Variants in C1orf167 observed in about 807,000 individuals in gnomAD.
The protein encoded by C1orf167 is uncharacterized protein C1orf167.
A neutral mutation model predicts 176.5 loss-of-function variants in C1orf167; 153 were observed. The ratio of observed to expected loss-of-function variants is 0.87; its 90% CI spans 0.76 to 0.99. The LOEUF (loss-of-function observed/expected upper bound fraction) is 0.99, where lower values mean the gene tolerates loss of function less well. Among genes scored for constraint, C1orf167 ranks in the 50% least tolerant of loss-of-function variants. C1orf167 has a pLI of 0.00. For synonymous variants in C1orf167, 594 were observed against 752.7 expected (o/e 0.79, Z 3.45); for missense variants, 1,490 against 1,817.7 (o/e 0.82, Z 3.28).
intron 14 of C1orf167, among the ~76,000 whole-genome samples, chr1:11,782,616 A>G (rs145205469): frequency 2.0e-5 from 3 of 152,228 alleles, no homozygotes; most frequent in East Asian, 1.9e-4. Flanking sequence ...GTTTTAGAGG[A>G]TATGATTAAG....
chr1:11,766,775 CT>C lies in C1orf167; in HGVS notation c.992del (p.Leu331TrpfsTer21), dbSNP rs1212739767. The C allele has an allele frequency of 7.8e-7, 1 of 1,289,698 alleles. No homozygotes were observed. Among genetic ancestry groups the C allele is most frequent in the Non-Finnish European group, 1.0e-6 (1 of 988,878 alleles). The allele number at this position is 1,289,698 out of a possible 1,614,324, so 79.9% of individuals were successfully genotyped here. ...AGCAAGCTAATGTCACCTGAGACCA[CT>C]TTGGGGACACGGACCAAGGATTCCC... ...AQSKLMSPETTLGTRTKDSLN... is the reference protein window; with the variant it reads ...AQSKLMSPETXLGTRTKDSLN... On this transcript the variant is annotated frameshift_variant, in exon 3 of 21. Coordinates refer to ENST00000688073, the MANE Select transcript of C1orf167 (RefSeq NM_001010881.2). LOFTEE classifies it high-confidence loss of function. This position sits in a 1 kb window ranked among gnomAD's most constrained non-coding sequence, Gnocchi z 4.5.
chr1:11,781,184 G>A (rs12044748), intron 13 of C1orf167, among the ~76,000 whole-genome samples: 1 of 151,922 alleles, frequency 6.6e-6, no homozygotes, highest in East Asian at 1.9e-4. Context: ...TTTTAGTGGA[G>A]ATGGGGTTTC....
At position 11,788,046 on chromosome 1, in the gene C1orf167, C is replaced by A. The variant is rs1383903827; in HGVS notation, c.3847C>A (p.Arg1283Ser). 7.7e-7 allele frequency: 1 copy of A among 1,293,776 alleles called. No individual in the cohort carries two copies. Among genetic ancestry groups the A allele is most frequent in the East Asian group, 5.6e-5 (1 of 17,858 alleles). The allele number at this position is 1,293,776 out of a possible 1,614,324, so 80.1% of individuals were successfully genotyped here. A position where few individuals can be genotyped will look rare whatever the true frequency, so the allele number is the denominator to read the frequency against. ...AQSKAHKRRL[R>S]ARSCRILEKQ... ...AAGCAAGGCCCATAAACGGAGGCTA[C>A]GGTAAGAGGAGCTGTGTGTGCAGTT... The change falls in exon 18 of 21, where the codon CGT becomes AGT. Residue 1283 changes from arginine to serine, a missense_variant and splice_region_variant. By Grantham distance (110) the Arg-to-Ser change is moderately radical. Transcript: ENST00000688073.
chr1:11,771,599 C>A lies in C1orf167; in HGVS notation c.1773C>A (p.His591Gln). 1 of 1,289,766 alleles carries A rather than the reference C, an allele frequency of 7.8e-7. No homozygotes were observed. Among genetic ancestry groups the A allele is most frequent in the Non-Finnish European group, 1.0e-6 (1 of 988,858 alleles). 79.9% of individuals were successfully genotyped at this position (1,289,766 alleles called of 1,614,324 possible). The change falls in exon 7 of 21, where the codon CAC becomes CAA. Residue 591 changes from histidine to glutamine, a missense_variant. Transcript: ENST00000688073. ...SHPRQRTDSR[H>Q]ERVQILQALQ... is the part of the protein sequence containing the mutation. ...CTAGGCAGAGAACAGACAGCAGACACGAGAGAGTCCAGATCCTGCAGGCCC... is the reference window on the plus strand; with the variant it reads ...CTAGGCAGAGAACAGACAGCAGACAAGAGAGAGTCCAGATCCTGCAGGCCC...
chr1:11,780,856 T>A (rs1455950422), intron 13 of C1orf167, among the ~76,000 whole-genome samples: 2 of 151,896 alleles, frequency 1.3e-5, no homozygotes, highest in Non-Finnish European at 2.9e-5. Context: ...AAGGACTGGA[T>A]TTGCAGAGGC....
intron 15 of C1orf167, 65 bp from the exon 16 acceptor site, chr1:11,785,083 G>T (rs1643786756): frequency 4.2e-6 from 5 of 1,199,118 alleles, no homozygotes; most frequent in Non-Finnish European, 5.4e-6. Context: ...AGGGCACTGG[G>T]GGGGCTCCCT....
intron 1 of C1orf167, among the ~76,000 whole-genome samples, chr1:11,762,998 T>G (rs748822458): frequency 6.6e-6 from 1 of 152,018 alleles, no homozygotes; most frequent in Non-Finnish European, 1.5e-5. Context: ...GAGGCAAGAC[T>G]TGAAGGCAGA....
Position 11,766,924 on chromosome 1 carries a change from A to G in C1orf167, c.1138A>G (p.Arg380Gly). ...DPSLPRGVGS[R>G]GTDPCSSAFS... ...CAGTCTCCCTCGAGGGGTGGGAAGC[A>G]GGGGGACCGACCCCTGTTCCTCAGC... Residue 380 changes from arginine (R) to glycine (G), a missense_variant, in exon 3 of 21, where the codon AGG becomes GGG. Transcript: ENST00000688073. The surrounding 1 kb of genome is among the most constrained non-coding windows in gnomAD (Gnocchi z 4.5). 8.2e-7 allele frequency: 1 copy of G among 1,218,390 alleles called. No individual in the cohort carries two copies. Among genetic ancestry groups the G allele is most frequent in the South Asian group, 1.5e-5 (1 of 68,878 alleles). 75.5% of individuals were successfully genotyped at this position (1,218,390 alleles called of 1,614,324 possible).
chr1:11,763,123 C>T lies in C1orf167; in HGVS notation c.-71+818C>T, dbSNP rs114731901. Among the ~76,000 whole-genome samples, 857 of 152,180 alleles carry T rather than the reference C, an allele frequency of 5.6e-3. 11 individuals carry two copies. The highest frequency in any genetic ancestry group is 0.02 in the African/African-American group (821 of 41,532). On this transcript the variant is annotated intron_variant, in intron 1 of 20. Transcript: ENST00000688073. ...CAAGGGGAAGAGGAATTGGGGAGGACCATAACTGGCAGCCAGATTTTAAAG... is the reference window on the plus strand; with the variant it reads ...CAAGGGGAAGAGGAATTGGGGAGGATCATAACTGGCAGCCAGATTTTAAAG...
chr1:11,778,625 A>C (rs748570324), intron 10 of C1orf167, 35 bp from the exon 11 acceptor site: 19 of 1,268,998 alleles, frequency 1.5e-5, no homozygotes, highest in Non-Finnish European at 2.0e-5. Flanking sequence ...CCTGAGGGTG[A>C]GGCTGGGTGG....
intron 1 of C1orf167, among the ~76,000 whole-genome samples, chr1:11,763,301 C>T (rs1642615507): frequency 2.0e-5 from 3 of 152,016 alleles, no homozygotes; most frequent in Admixed American, 6.6e-5. Context: ...ATTAGTCTGG[C>T]GTGGTGGCAT....
chr1:11,788,802 C>T, intron 20 of C1orf167, 56 bp downstream of exon 20: 2 of 1,288,118 alleles, frequency 1.6e-6, no homozygotes, highest in Non-Finnish European at 2.1e-6. Flanking sequence ...GCCAGCCTTC[C>T]AGAAGTCTGT....
At position 11,775,485 on chromosome 1, in the gene C1orf167, A is replaced by C; in HGVS notation, c.2039A>C (p.Asp680Ala). The C allele has an allele frequency of 7.7e-7, 1 of 1,304,128 alleles. No individual in the cohort carries two copies. The highest frequency in any genetic ancestry group is 1.2e-5 in the South Asian group (1 of 81,008). 80.8% of individuals were successfully genotyped at this position (1,304,128 alleles called of 1,614,324 possible). ...GTGCAAAGAGGGTCCCGGTACCGAG[A>C]CCACCTGGCTGACCGCCGGACGGGG... Reference protein sequence around the residue: ...QFVQRGSRYRDHLADRRTGTL... With the variant: ...QFVQRGSRYRAHLADRRTGTL... The change falls in exon 9 of 21, where the codon GAC (aspartate) becomes GCC (alanine). Residue 680 changes from aspartate to alanine, a missense_variant. Transcript: ENST00000688073.
intron 20 of C1orf167, 63 bp downstream of exon 20, chr1:11,788,809 C>T: frequency 7.8e-7 from 1 of 1,284,014 alleles, no homozygotes; most frequent in South Asian, 1.2e-5. Context: ...TTCCAGAAGT[C>T]TGTGCCACAG....
rs764231951 is a variant in C1orf167 at position 11,787,430 on chromosome 1, G to A, written c.3610G>A (p.Ala1204Thr). The change falls in exon 17 of 21, where the codon GCG becomes ACG. Residue 1204 changes from alanine (A) to threonine (T), a missense_variant. By Grantham distance (58) the Ala-to-Thr change is moderately conservative. Transcript: ENST00000688073. ...WTQATELVPP[A>T]PSLQCSLGGR... ...ACAGGCCACAGAGCTGGTGCCTCCC[G>A]CGCCATCACTGCAGTGCAGCCTGGG... 1.5e-5 allele frequency: 20 copies of A among 1,303,238 alleles called. No individual in the cohort carries two copies. In the East Asian group the frequency reaches 5.0e-4, roughly 33 times the overall value. 80.7% of individuals were successfully genotyped at this position (1,303,238 alleles called of 1,614,324 possible). A position where few individuals can be genotyped will look rare whatever the true frequency, so the allele number is the denominator to read the frequency against.
intron 20 of C1orf167, 106 bp downstream of exon 20, chr1:11,788,852 C>A: frequency 9.8e-7 from 1 of 1,021,816 alleles, no homozygotes; most frequent in Non-Finnish European, 1.3e-6. Flanking sequence ...TGCTTGCCAG[C>A]CCCGGGGCCC....
chr1:11,766,233 C>A lies in C1orf167; in HGVS notation c.447C>A (p.Pro149=). 7.8e-7 allele frequency: 1 copy of A among 1,289,818 alleles called. No individual in the cohort carries two copies. The highest frequency in any genetic ancestry group is 1.0e-6 in the Non-Finnish European group (1 of 988,852). The allele number at this position is 1,289,818 out of a possible 1,614,324, so 79.9% of individuals were successfully genotyped here. A position where few individuals can be genotyped will look rare whatever the true frequency, so the allele number is the denominator to read the frequency against. Residue 149 remains proline (P), a synonymous_variant, in exon 3 of 21, where the codon CCC becomes CCA. Coordinates refer to ENST00000688073, the MANE Select transcript of C1orf167 (RefSeq NM_001010881.2). This position sits in a 1 kb window ranked among gnomAD's most constrained non-coding sequence, Gnocchi z 4.5. The part of the protein sequence containing the change: ...PGGSSGPHKL[P]WGPLLSQEPL... The stretch of plus-strand genomic sequence containing the variant: ...GAAGCTCTGGGCCCCACAAGCTTCC[C>A]TGGGGTCCTCTCCTATCCCAAGAGC...
Position 11,781,889 on chromosome 1 carries a change from G to A in C1orf167, c.2861-300G>A, listed in dbSNP as rs559247290. 1.8e-3 allele frequency among the ~76,000 whole-genome samples: 265 copies of A among 149,456 alleles called. No homozygotes were observed. In the East Asian group the frequency reaches 0.018, roughly 10 times the overall value. ...TGGGCCACTGCACTCCAGCCTGGGT[G>A]ACGGAGTAAGACTCCGTCTCAAAAA... On this transcript the variant is annotated intron_variant, in intron 13 of 20. Coordinates refer to ENST00000688073, the MANE Select transcript of C1orf167 (RefSeq NM_001010881.2).
intron 1 of C1orf167, among the ~76,000 whole-genome samples, chr1:11,763,076 G>GGT (rs1278452801): frequency 6.6e-6 from 1 of 152,128 alleles, no homozygotes; most frequent in East Asian, 1.9e-4. Flanking sequence ...CCAGGGGGCT[G>GGT]GTGTGTGTGG....
Sources: gnomAD v4.1 joint callset for allele counts (sites outside exome capture counted in the v4.1 genomes callset) on GRCh38, gnomAD v4.1.1 for gene constraint, Gnocchi (gnomAD v3.1) non-coding constraint, MANE v1.5 for transcripts, NCBI Gene and HGNC (gene_info 2026-07-23, HGNC 2026-07-21) for gene names.